Variants in UNC5D observed in about 807,000 individuals in gnomAD.
UNC5D encodes netrin receptor UNC5D.
In UNC5D, 39 loss-of-function variants were observed where a neutral mutation model predicts 105.4. The observed-to-expected ratio is 0.37, with a 90% CI of 0.29 to 0.48. UNC5D has a LOEUF of 0.48. Ranked by LOEUF, UNC5D falls within the 20% of genes least tolerant of loss-of-function variation. UNC5D has a pLI of 0.98. For missense variants in UNC5D, 991 were observed against 1,202.4 expected, an observed-to-expected ratio of 0.82 and a Z score of 2.60; for synonymous variants, 452 against 450.4, an observed-to-expected ratio of 1.00 and a Z score of -0.04.
intron 1 of UNC5D, among the ~76,000 whole-genome samples, chr8:35,537,535 T>C (rs1355299291): frequency 6.6e-6 from 1 of 152,012 alleles, no homozygotes; most frequent in African/African-American, 2.4e-5. Context: ...AAAATAATTA[T>C]CTGGGCATGG....
rs1803135775 is a variant in UNC5D at position 35,793,476 on chromosome 8, G to C, written c.*2913G>C. On this transcript the variant is annotated 3_prime_UTR_variant, in exon 17 of 17. Transcript: ENST00000404895. ...ATGAAACAAAATTAAAAGTGGCCTCGAGTACTTGGTAAGTTACTTAAAATT... is the reference window on the plus strand; with the variant it reads ...ATGAAACAAAATTAAAAGTGGCCTCCAGTACTTGGTAAGTTACTTAAAATT... 6.2e-6 allele frequency: 1 copy of C among 160,192 alleles called. No individual in the cohort carries two copies. Among genetic ancestry groups the C allele is most frequent in the Non-Finnish European group, 1.4e-5 (1 of 72,994 alleles). 9.9% of individuals were successfully genotyped at this position (160,192 alleles called of 1,614,324 possible).
chr8:35,277,748 T>C (rs1805870092), intron 1 of UNC5D, among the ~76,000 whole-genome samples: 1 of 152,320 alleles, frequency 6.6e-6, no homozygotes, highest in Admixed American at 6.5e-5. Context: ...AAATAATAAA[T>C]TTAAAATAAG....
chr8:35,434,754 G>A (rs1014595859), intron 1 of UNC5D, among the ~76,000 whole-genome samples: 7 of 152,072 alleles, frequency 4.6e-5, no homozygotes, highest in Non-Finnish European at 2.9e-5. Context: ...CAAGTTAGGA[G>A]CGTGAAAACT....
intron 1 of UNC5D, among the ~76,000 whole-genome samples, chr8:35,389,738 TAAAA>T (rs5890808): frequency 4.7e-5 from 6 of 126,548 alleles, no homozygotes; most frequent in Non-Finnish European, 8.3e-5. Context: ...CTGGCTGATT[TAAAA>T]AAAAAAAAAA....
At chr8:35,245,638 CT>C (rs773338488) in intron 1 of UNC5D, among the ~76,000 whole-genome samples, 1 of 152,110 alleles carries the variant, frequency 6.6e-6, no homozygotes, top group African/African-American at 2.4e-5. Context: ...AAATATCCAT[CT>C]GATGTTTTCT....
intron 1 of UNC5D, among the ~76,000 whole-genome samples, chr8:35,516,001 A>G (rs1319761255): frequency 6.6e-6 from 1 of 152,106 alleles, no homozygotes; most frequent in East Asian, 1.9e-4. Flanking sequence ...AAGCCCGTCA[A>G]ACTGAACTAT....
chr8:35,327,258 T>C (rs1166415658), intron 1 of UNC5D, among the ~76,000 whole-genome samples: 1 of 152,200 alleles, frequency 6.6e-6, no homozygotes, highest in African/African-American at 2.4e-5. Flanking sequence ...CTTGCAACTA[T>C]GTAAATTATA....
chr8:35,570,320 T>C (rs1817631006), intron 3 of UNC5D, among the ~76,000 whole-genome samples: 1 of 152,196 alleles, frequency 6.6e-6, no homozygotes, highest in East Asian at 1.9e-4. Context: ...AGTTTTGTGA[T>C]GGTAGAAAAA....
intron 4 of UNC5D, among the ~76,000 whole-genome samples, chr8:35,660,647 G>C (rs1824049026): frequency 1.3e-5 from 2 of 152,160 alleles, no homozygotes; most frequent in Admixed American, 6.5e-5. Flanking sequence ...GAGAGGAGCA[G>C]AGTTGTACCT....
intron 1 of UNC5D, among the ~76,000 whole-genome samples, chr8:35,236,298 A>G (rs529459883): frequency 6.6e-6 from 1 of 152,292 alleles, no homozygotes; most frequent in South Asian, 2.1e-4. Context: ...GAGAGGGGCC[A>G]GGTGATGGGA....
chr8:35,579,919 G>A lies in UNC5D; in HGVS notation c.466+11678G>A, dbSNP rs117668197. On this transcript the variant is annotated intron_variant, in intron 3 of 16. Coordinates refer to ENST00000404895, the MANE Select transcript of UNC5D (RefSeq NM_080872.4). ...TCAAGGAAGCTTTGCACCAATCTTTGAGAGTGTTGATATGGCCTGAACTTC... is the reference window on the plus strand; with the variant it reads ...TCAAGGAAGCTTTGCACCAATCTTTAAGAGTGTTGATATGGCCTGAACTTC... Among the ~76,000 whole-genome samples, 221 of 152,290 alleles carry A rather than the reference G, an allele frequency of 1.5e-3. 6 individuals are homozygous for A. The East Asian group carries it at 0.038, about 26-fold the overall frequency.
intron 1 of UNC5D, among the ~76,000 whole-genome samples, chr8:35,396,378 C>T (rs1482026101): frequency 6.6e-6 from 1 of 152,178 alleles, no homozygotes; most frequent in African/African-American, 2.4e-5. Context: ...GGTCCTCTTC[C>T]AGTAGAGTCA....
chr8:35,403,050 G>A (rs1355511218), intron 1 of UNC5D, among the ~76,000 whole-genome samples: 1 of 152,070 alleles, frequency 6.6e-6, no homozygotes, highest in African/African-American at 2.4e-5. Context: ...TGGGAGTCAG[G>A]GAATACATGA....
intron 1 of UNC5D, among the ~76,000 whole-genome samples, chr8:35,383,275 C>T (rs1438834587): frequency 6.6e-6 from 1 of 152,060 alleles, no homozygotes; most frequent in Non-Finnish European, 1.5e-5. Flanking sequence ...CATTACTCTG[C>T]CATTTCCTCC....
At chr8:35,415,891 T>C (rs1585790809) in intron 1 of UNC5D, among the ~76,000 whole-genome samples, 1 of 152,280 alleles carries the variant, frequency 6.6e-6, no homozygotes, top group South Asian at 2.1e-4. Context: ...TAACTGAGCT[T>C]GTATCTGAAA....
chr8:35,789,797 A>C (rs1029329531), intron 16 of UNC5D, among the ~76,000 whole-genome samples: 1 of 152,108 alleles, frequency 6.6e-6, no homozygotes, highest in Non-Finnish European at 1.5e-5. Flanking sequence ...ATGTTTGCCA[A>C]AGTAGAGAGG....
intron 1 of UNC5D, among the ~76,000 whole-genome samples, chr8:35,340,906 A>G (rs368329722): frequency 4.6e-5 from 7 of 152,158 alleles, no homozygotes; most frequent in Admixed American, 1.3e-4. Context: ...AGTAAAATAT[A>G]TTTTCAGAAA....
intron 16 of UNC5D, among the ~76,000 whole-genome samples, chr8:35,788,361 G>C (rs564327431): frequency 1.6e-4 from 25 of 152,216 alleles, no homozygotes; most frequent in African/African-American, 5.5e-4. Flanking sequence ...TACTTGGCTG[G>C]CTCTGGAAAA....
intron 1 of UNC5D, among the ~76,000 whole-genome samples, chr8:35,462,513 TTAGA>T (rs1318611658): frequency 1.3e-5 from 2 of 152,192 alleles, no homozygotes; most frequent in African/African-American, 4.8e-5. Context: ...AGATGATATC[TTAGA>T]TACTCTGCTG....
Sources: allele counts gnomAD v4.1 joint callset (sites outside exome capture counted in the v4.1 genomes callset), GRCh38; gene constraint gnomAD v4.1.1; transcripts MANE v1.5; gene names NCBI Gene and HGNC (gene_info 2026-07-23, HGNC 2026-07-21).